Variants in ARHGEF4 observed in about 807,000 individuals in gnomAD.
The protein encoded by ARHGEF4 is Rho guanine nucleotide exchange factor 4.
Under a neutral mutation model 162.0 loss-of-function variants are expected in ARHGEF4, and 119 were observed. The observed-to-expected ratio is 0.73, with a 90% confidence interval of 0.63 to 0.86. ARHGEF4 has a LOEUF of 0.86. Ranked by LOEUF, ARHGEF4 falls within the 40% of genes least tolerant of loss-of-function variation. The probability of loss-of-function intolerance (pLI) is 0.00; values close to 1 mark genes in which losing one functional copy is unlikely to be tolerated. For synonymous variants in ARHGEF4, 1,014 were observed against 979.9 expected (o/e 1.03, Z -0.65); for missense variants, 2,488 against 2,456.0 (o/e 1.01, Z -0.28).
intron 1 of ARHGEF4, among the ~76,000 whole-genome samples, chr2:130,851,981 G>T (rs771878711): frequency 6.6e-6 from 1 of 152,248 alleles, no homozygotes; most frequent in South Asian, 2.1e-4. Flanking sequence ...CTCATGTTAG[G>T]ATTAAATAAT....
intron 4 of ARHGEF4, 94 bp from the exon 5 acceptor site, chr2:131,027,851 T>C: frequency 6.8e-7 from 1 of 1,460,480 alleles, no homozygotes; most frequent in Non-Finnish European, 9.4e-7. Context: ...GAAGAAGCAT[T>C]TGTCCTGAAC....
chr2:130,846,238 T>G (rs1268316202), intron 1 of ARHGEF4, among the ~76,000 whole-genome samples: 1 of 152,204 alleles, frequency 6.6e-6, no homozygotes, highest in Non-Finnish European at 1.5e-5. Flanking sequence ...CTGTCATCAG[T>G]GCTGTGTCCT....
intron 1 of ARHGEF4, among the ~76,000 whole-genome samples, chr2:130,867,936 C>CTTTTTTTTTTTT (rs1156618796): frequency 4.2e-5 from 5 of 119,928 alleles, no homozygotes; most frequent in Admixed American, 8.6e-5. Flanking sequence ...TTTTTTTTTT[C>CTTTTTTTTTTTT]TTTTTTTTTT....
intron 13 of ARHGEF4, 127 bp downstream of exon 13, chr2:131,045,573 A>G (rs754157332): frequency 1.2e-6 from 2 of 1,601,052 alleles, no homozygotes; most frequent in Non-Finnish European, 1.7e-6. Context: ...TGCCCTTTGC[A>G]GCTGTTTGTT....
chr2:131,019,693 G>A (rs1478372491), intron 4 of ARHGEF4, among the ~76,000 whole-genome samples: 1 of 152,054 alleles, frequency 6.6e-6, no homozygotes, highest in African/African-American at 2.4e-5. Flanking sequence ...GAGTGCAGTG[G>A]CGCGATCTCG....
At chr2:131,026,202 A>C (rs1340161542) in intron 4 of ARHGEF4, among the ~76,000 whole-genome samples, 4 of 152,218 alleles carry the variant, frequency 2.6e-5, no homozygotes, top group Non-Finnish European at 5.9e-5. Flanking sequence ...TTGGTTTCCA[A>C]CCTCACTCTA....
At chr2:131,004,905 C>G (rs1688021311) in intron 4 of ARHGEF4, among the ~76,000 whole-genome samples, 1 of 152,182 alleles carries the variant, frequency 6.6e-6, no homozygotes, top group Non-Finnish European at 1.5e-5. Flanking sequence ...ATTCCCTCCT[C>G]CAAAGTTTGG....
intron 1 of ARHGEF4, among the ~76,000 whole-genome samples, chr2:130,907,682 G>T (rs574579851): frequency 6.6e-6 from 1 of 151,804 alleles, no homozygotes; most frequent in Non-Finnish European, 1.5e-5. Context: ...GTCCAGGTGC[G>T]GTGGCCCACG....
At chr2:130,959,162 G>C (rs992763251) in intron 4 of ARHGEF4, among the ~76,000 whole-genome samples, 1 of 151,988 alleles carries the variant, frequency 6.6e-6, no homozygotes, top group South Asian at 2.1e-4. Flanking sequence ...GGCTGGTCTC[G>C]AACTCCTGAC....
chr2:130,837,596 G>T (rs1193139436), intron 1 of ARHGEF4: 5 of 451,542 alleles, frequency 1.1e-5, no homozygotes, highest in Admixed American at 2.4e-5. Context: ...CACTCAGTTG[G>T]GACGCCTCCA....
chr2:131,001,080 G>A (rs1482481665), intron 4 of ARHGEF4, among the ~76,000 whole-genome samples: 4 of 152,052 alleles, frequency 2.6e-5, no homozygotes, highest in African/African-American at 4.8e-5. Context: ...TGAGGCGGTG[G>A]CTCACTTGGG....
At chr2:131,043,792 G>C in intron 11 of ARHGEF4, 1 of 618,168 alleles carries the variant, frequency 1.6e-6, no homozygotes, top group Non-Finnish European at 2.8e-6. Flanking sequence ...TGACCAGGCC[G>C]GGTGCTGTTG....
chr2:130,851,775 G>A (rs1421858093), intron 1 of ARHGEF4, among the ~76,000 whole-genome samples: 3 of 152,234 alleles, frequency 2.0e-5, no homozygotes, highest in South Asian at 2.1e-4. Context: ...GACACAGCCA[G>A]CAGGAAATGC....
At chr2:130,923,795 T>C (rs1479679820) in intron 2 of ARHGEF4, among the ~76,000 whole-genome samples, 2 of 152,166 alleles carry the variant, frequency 1.3e-5, no homozygotes, top group Admixed American at 6.5e-5. Flanking sequence ...CAGCCTCATA[T>C]GTTAGTAATG....
chr2:131,035,346 C>T lies in ARHGEF4; in HGVS notation c.4126-3507C>T, dbSNP rs983733661. 5 of 1,119,014 alleles carry T rather than the reference C, an allele frequency of 4.5e-6. No individual in the cohort carries two copies. The African/African-American group carries it at 4.9e-5, about 11-fold the overall frequency. The allele number at this position is 1,119,014 out of a possible 1,614,324, so 69.3% of individuals were successfully genotyped here. ...TGCCACCCGCGGCCTCCGCACTGGT[C>T]GCGGAGGGAAGGCCTCCTTCCACCC... On this transcript the variant is annotated intron_variant, in intron 5 of 13. Transcript: ENST00000409359.
chr2:130,980,230 C>G (rs753969909), intron 4 of ARHGEF4, among the ~76,000 whole-genome samples: 18 of 152,030 alleles, frequency 1.2e-4, no homozygotes, highest in Non-Finnish European at 2.5e-4. Flanking sequence ...AACCCCATCT[C>G]TACTAAAAAT....
At chr2:130,985,607 G>C (rs1032851822) in intron 4 of ARHGEF4, among the ~76,000 whole-genome samples, 4 of 152,268 alleles carry the variant, frequency 2.6e-5, no homozygotes, top group African/African-American at 9.6e-5. Context: ...GATACTTCCT[G>C]AAAGTCCTTT....
chr2:130,910,285 G>T (rs998782163), intron 1 of ARHGEF4, among the ~76,000 whole-genome samples: 1 of 152,120 alleles, frequency 6.6e-6, no homozygotes, highest in Non-Finnish European at 1.5e-5. Context: ...AAAGAACATT[G>T]AAAGATTGAA....
intron 4 of ARHGEF4, among the ~76,000 whole-genome samples, chr2:130,953,524 A>C (rs1323211376): frequency 2.6e-5 from 4 of 152,244 alleles, no homozygotes; most frequent in Non-Finnish European, 5.9e-5. Context: ...AAACACCAAA[A>C]GTAATGGCAA....
Sources: allele counts gnomAD v4.1 joint callset (sites outside exome capture counted in the v4.1 genomes callset), GRCh38; gene constraint gnomAD v4.1.1; transcripts MANE v1.5; gene names NCBI Gene and HGNC (gene_info 2026-07-23, HGNC 2026-07-21).